The following AFF3 variants were observed in gnomAD, a reference collection of about 807,000 sequenced individuals.
AFF3 encodes the protein AF4/FMR2 family member 3.
AFF3 carries 32 observed loss-of-function variants against 129.7 expected under a neutral mutation model. The ratio of observed to expected loss-of-function variants is 0.25; its 90% CI spans 0.19 to 0.33. The LOEUF (loss-of-function observed/expected upper bound fraction) is 0.33. Ranked by LOEUF, AFF3 falls within the 10% of genes least tolerant of loss-of-function variation. The pLI, the probability that AFF3 is intolerant of heterozygous loss-of-function variation, is 1.00. For missense variants in AFF3, 1,373 were observed against 1,592.0 expected (o/e 0.86, Z 2.34); for synonymous variants, 644 against 635.4 (o/e 1.01, Z -0.20).
chr2:100,093,677 A>C (rs1690050906), intron 4 of AFF3, among the ~76,000 whole-genome samples: 2 of 152,152 alleles, frequency 1.3e-5, no homozygotes, highest in South Asian at 2.1e-4. Context: ...AACACAAATA[A>C]GAGAGTCCTG....
chr2:99,648,431 T>C (rs1228218642), intron 13 of AFF3, among the ~76,000 whole-genome samples: 1 of 152,210 alleles, frequency 6.6e-6, no homozygotes, highest in Non-Finnish European at 1.5e-5. Context: ...TCTAGACTCT[T>C]TCCTCCTCCT....
At chr2:99,998,397 G>A (rs1008284537) in intron 7 of AFF3, among the ~76,000 whole-genome samples, 2 of 152,098 alleles carry the variant, frequency 1.3e-5, no homozygotes, top group African/African-American at 2.4e-5. Context: ...GTAGCAGCAT[G>A]AGCCTCAGCA....
chr2:99,973,662 C>T (rs1159051328), intron 7 of AFF3, among the ~76,000 whole-genome samples: 3 of 151,988 alleles, frequency 2.0e-5, no homozygotes, highest in Admixed American at 1.3e-4. Context: ...TCAATGTTTT[C>T]CCCTTTTTAG....
intron 7 of AFF3, among the ~76,000 whole-genome samples, chr2:99,969,902 T>G (rs1427963045): frequency 6.6e-6 from 1 of 152,176 alleles, no homozygotes; most frequent in Non-Finnish European, 1.5e-5. Context: ...TAATTAGAAC[T>G]TATGAAATTT....
At chr2:100,054,455 G>GATT (rs879433324) in intron 4 of AFF3, among the ~76,000 whole-genome samples, 3 of 152,196 alleles carry the variant, frequency 2.0e-5, no homozygotes, top group Non-Finnish European at 4.4e-5. Flanking sequence ...AGATATAAGG[G>GATT]GGAATCTCTT....
chr2:99,791,920 T>C (rs1685222985), intron 8 of AFF3, among the ~76,000 whole-genome samples: 1 of 152,060 alleles, frequency 6.6e-6, no homozygotes, highest in Non-Finnish European at 1.5e-5. Context: ...AGTTGTGATG[T>C]CCCTTATGGA....
At chr2:99,554,658 A>C in intron 23 of AFF3, 25 bp downstream of exon 23, 2 of 1,614,166 alleles carry the variant, frequency 1.2e-6, no homozygotes, top group Non-Finnish European at 1.7e-6. Flanking sequence ...GGCTTACGGC[A>C]TTGACTTTGG....
intron 7 of AFF3, among the ~76,000 whole-genome samples, chr2:99,942,083 C>T (rs1187869109): frequency 2.6e-5 from 4 of 152,138 alleles, no homozygotes; most frequent in Non-Finnish European, 2.9e-5. Context: ...CCCAGGCAGC[C>T]GCAGTCATCC....
intron 2 of AFF3, among the ~76,000 whole-genome samples, chr2:100,116,759 A>G (rs1691751115): frequency 6.6e-6 from 1 of 152,050 alleles, no homozygotes; most frequent in Non-Finnish European, 1.5e-5. Flanking sequence ...CTTGCCCTTC[A>G]TTCATTCCTG....
intron 7 of AFF3, among the ~76,000 whole-genome samples, chr2:99,888,364 T>C (rs550494638): frequency 6.6e-6 from 1 of 152,226 alleles, no homozygotes; most frequent in African/African-American, 2.4e-5. Flanking sequence ...ATACATATAA[T>C]GTTTGAACTT....
intron 1 of AFF3, among the ~76,000 whole-genome samples, chr2:100,134,208 A>T (rs1201238214): frequency 6.6e-6 from 1 of 152,214 alleles, no homozygotes; most frequent in Non-Finnish European, 1.5e-5. Flanking sequence ...GGGATTACCC[A>T]CAGGAAAGTT....
chr2:99,558,026 GA>G (rs1675111188), intron 22 of AFF3, among the ~76,000 whole-genome samples: 1 of 152,160 alleles, frequency 6.6e-6, no homozygotes, highest in African/African-American at 2.4e-5. Flanking sequence ...TTCTCCCAGT[GA>G]AAATAATTTC....
chr2:99,867,004 A>T (rs57922836), intron 7 of AFF3, among the ~76,000 whole-genome samples: 20,007 of 102,108 alleles, frequency 0.2, 1,805 homozygotes, highest in Middle Eastern at 0.3. Context: ...TAATAATAAA[A>T]AATAAATAAA....
chr2:100,006,930 C>A lies in AFF3; in HGVS notation c.575G>T (p.Gly192Val), dbSNP rs992810179. 1 of 1,614,176 alleles carries A rather than the reference C, an allele frequency of 6.2e-7. No individual in the cohort carries two copies. Among genetic ancestry groups the A allele is most frequent in the Non-Finnish European group, 8.5e-7 (1 of 1,180,044 alleles). ...RAKQVCNVEV[G>V]LQTQERPPAM... ...AGGTGGCCTCTCCTGGGTCTGAAGG[C>A]CCACCTCCACATTGCACACTTGTTT... The change falls in exon 7 of 25, where the codon GGC becomes GTC. Residue 192 changes from glycine to valine, a missense_variant. Gly to Val is a moderately radical substitution (Grantham distance 109). This residue lies in a region of AFF3 where 255 missense variants were observed against 256.0 expected (regional missense o/e 1.00). Transcript: ENST00000672756.
intron 7 of AFF3, among the ~76,000 whole-genome samples, chr2:99,932,338 C>T (rs1674092782): frequency 6.6e-6 from 1 of 152,190 alleles, no homozygotes; most frequent in Admixed American, 6.5e-5. Flanking sequence ...GATGGTGTGG[C>T]TCATTCTGCT....
chr2:99,954,586 TA>T (rs1426279104), intron 7 of AFF3, among the ~76,000 whole-genome samples: 1 of 151,732 alleles, frequency 6.6e-6, no homozygotes, highest in African/African-American at 2.4e-5. Flanking sequence ...TATGCAGCCA[TA>T]AAAAATGATG....
chr2:99,981,933 AAG>A (rs1029202783), intron 7 of AFF3, among the ~76,000 whole-genome samples: 38 of 152,216 alleles, frequency 2.5e-4, no homozygotes, highest in African/African-American at 8.7e-4. Flanking sequence ...TTTTTTAAAA[AAG>A]AGAGCCCTGA....
At chr2:99,658,099 GAA>G (rs1558709507) in intron 12 of AFF3, among the ~76,000 whole-genome samples, 1 of 152,176 alleles carries the variant, frequency 6.6e-6, no homozygotes, top group Non-Finnish European at 1.5e-5. Context: ...AAATGAAAAC[GAA>G]GGCAGATGCT....
rs895584156 is a variant in AFF3 at position 99,611,027 on chromosome 2, C to A, written c.1185-9406G>T. ...CTGTTGTTCCTATCAGGCAATTTCT[C>A]TTGTTCCATCTTCAAGTTCAGTAAT... On this transcript the variant is annotated intron_variant, in intron 13 of 24. Transcript: ENST00000672756. Among the ~76,000 whole-genome samples, 3 of 152,170 alleles carry A rather than the reference C, an allele frequency of 2.0e-5. No individual in the cohort carries two copies. In the South Asian group the frequency reaches 6.2e-4, roughly 32 times the overall value.
Sources: gnomAD v4.1 joint callset for allele counts (sites outside exome capture counted in the v4.1 genomes callset) on GRCh38, gnomAD v4.1.1 for gene constraint, gnomAD v4.1.1 regional missense constraint, MANE v1.5 for transcripts, NCBI Gene and HGNC (gene_info 2026-07-23, HGNC 2026-07-21) for gene names.